COL28A1: variants seen among roughly 807,000 people sequenced by gnomAD.
The protein encoded by COL28A1 is collagen type XXVIII alpha 1 chain, also known as collagen alpha-1(XXVIII) chain.
In COL28A1, 161 loss-of-function variants were observed where a neutral mutation model predicts 150.2. That is an observed-to-expected ratio of 1.07 (90% CI 0.94 to 1.22). The LOEUF (loss-of-function observed/expected upper bound fraction) is 1.22. Among genes scored for constraint, COL28A1 ranks in the 50% most tolerant of loss-of-function variants. The pLI, the probability that COL28A1 is intolerant of heterozygous loss-of-function variation, is 0.00. For synonymous variants in COL28A1, 552 were observed against 469.7 expected, an observed-to-expected ratio of 1.18 and a Z score of -2.26; for missense variants, 1,617 against 1,388.3, an observed-to-expected ratio of 1.16 and a Z score of -2.62.
chr7:7,351,707 A>T (rs919226288), downstream of COL28A1, among the ~76,000 whole-genome samples: 1 of 152,118 alleles, frequency 6.6e-6, no homozygotes, highest in Admixed American at 6.6e-5. Flanking sequence ...ATAGACATTA[A>T]ATCAGTCCAA....
At chr7:7,382,320 A>C (rs1274093612) in intron 27 of COL28A1, among the ~76,000 whole-genome samples, 1 of 152,102 alleles carries the variant, frequency 6.6e-6, no homozygotes, top group Non-Finnish European at 1.5e-5. Context: ...CAAAAAAAAA[A>C]ACAGAAAAAA....
intron 3 of COL28A1, among the ~76,000 whole-genome samples, chr7:7,527,609 G>A (rs917563331): frequency 1.3e-5 from 2 of 152,164 alleles, no homozygotes; most frequent in East Asian, 1.9e-4. Flanking sequence ...AAAGCCTGAC[G>A]GGAGGCCATG....
intron 5 of COL28A1, among the ~76,000 whole-genome samples, chr7:7,520,379 C>T (rs945655428): frequency 2.4e-4 from 36 of 152,224 alleles, no homozygotes; most frequent in African/African-American, 8.7e-4. Flanking sequence ...AATCACTTCT[C>T]AGCAGTTTTG....
intron 27 of COL28A1, among the ~76,000 whole-genome samples, chr7:7,415,574 C>T (rs993975594): frequency 2.0e-5 from 3 of 152,304 alleles, no homozygotes; most frequent in South Asian, 4.1e-4. Flanking sequence ...AACTCTGTTG[C>T]CCAGGCAGGA....
intron 3 of COL28A1, among the ~76,000 whole-genome samples, chr7:7,526,032 G>C (rs187106413): frequency 6.6e-6 from 1 of 152,324 alleles, no homozygotes; most frequent in East Asian, 1.9e-4. Context: ...TTAAGAGCTA[G>C]GAGGTCCTAT....
chr7:7,419,997 CTT>C (rs754665818), intron 25 of COL28A1, 44 bp from the exon 26 acceptor site: 9 of 1,365,268 alleles, frequency 6.6e-6, no homozygotes, highest in Middle Eastern at 1.9e-4. Flanking sequence ...TTTTTAAAGA[CTT>C]TATGTTTTTT....
Position 7,373,997 on chromosome 7 carries a change from C to A in COL28A1, c.2360-451G>T, listed in dbSNP as rs544366300. Among the ~76,000 whole-genome samples the A allele has an allele frequency of 1.4e-5, 2 of 141,500 alleles. No individual in the cohort carries two copies. The highest frequency in any genetic ancestry group is 3.0e-5 in the Non-Finnish European group (2 of 66,640). The allele number at this position is 141,500 out of a possible 152,430, so 92.8% of individuals were successfully genotyped here. On this transcript the variant is annotated intron_variant, in intron 31 of 34. Transcript: ENST00000399429. This position sits in a 1 kb window ranked among gnomAD's most constrained non-coding sequence, Gnocchi z 4.1. ...TACAGGCGTGAGCCACCGCGCCCGG[C>A]CCCTTCTGGTTTCTATACTTGACTC...
chr7:7,515,650 C>T (rs1435896194), intron 8 of COL28A1, among the ~76,000 whole-genome samples, 164 bp downstream of exon 8: 1 of 152,214 alleles, frequency 6.6e-6, no homozygotes, highest in East Asian at 1.9e-4. Context: ...TTACAACACA[C>T]ATCCATATGT....
chr7:7,440,185 A>G (rs961606220), intron 21 of COL28A1, among the ~76,000 whole-genome samples: 5 of 152,224 alleles, frequency 3.3e-5, no homozygotes, highest in Non-Finnish European at 7.3e-5. Flanking sequence ...TTACCAGGAC[A>G]TAGATCCCCT....
intron 27 of COL28A1, among the ~76,000 whole-genome samples, chr7:7,417,081 G>A (rs930248076): frequency 3.3e-5 from 5 of 151,922 alleles, no homozygotes; most frequent in African/African-American, 9.7e-5. Flanking sequence ...AGAGTGAACC[G>A]ATAAGAACAA....
At chr7:7,391,621 T>C (rs1336907053) in intron 27 of COL28A1, among the ~76,000 whole-genome samples, 1 of 152,152 alleles carries the variant, frequency 6.6e-6, no homozygotes, top group African/African-American at 2.4e-5. Context: ...TAAGTCTCTT[T>C]GTAGGTCTCT....
rs191122758 is a variant in COL28A1, at chr7:7,365,341, G to A, written c.3067-4813C>T. Among the ~76,000 whole-genome samples the A allele has an allele frequency of 4.5e-4, 62 of 138,684 alleles. 1 individual carries two copies. The highest frequency in any genetic ancestry group is 4.0e-3 in the Admixed American group (55 of 13,596). 91.0% of individuals were successfully genotyped at this position (138,684 alleles called of 152,430 possible). On this transcript the variant is annotated intron_variant, in intron 33 of 34. Transcript: ENST00000399429. ...CACACTGGCCTGCCTTGGAAAAGAA[G>A]GCTAGCTCCAGCTCTAAGCAGGGAC... is the stretch of plus-strand genomic sequence containing the variant.
At chr7:7,519,832 G>A (rs1781614989) in intron 6 of COL28A1, among the ~76,000 whole-genome samples, 1 of 152,016 alleles carries the variant, frequency 6.6e-6, no homozygotes, top group Non-Finnish European at 1.5e-5. Context: ...ATGTCCCTAG[G>A]TTTCCTAAAC....
chr7:7,413,578 C>T (rs1783904867), intron 27 of COL28A1, among the ~76,000 whole-genome samples: 1 of 152,146 alleles, frequency 6.6e-6, no homozygotes, highest in Admixed American at 6.5e-5. Context: ...CAGGTATACC[C>T]CTTCTACATA....
In COL28A1 at chr7:7,408,634, T is replaced by G. The variant is rs17516739; in HGVS notation, c.2136+9225A>C. The stretch of plus-strand genomic sequence containing the variant: ...AGCCCCACCCAAGTGCAGCTACACA[T>G]GCCAGCCCAGATCCTGCTGTTGTTT... On this transcript the variant is annotated intron_variant, in intron 27 of 34. Coordinates refer to ENST00000399429, the MANE Select transcript of COL28A1 (RefSeq NM_001037763.3). Among the ~76,000 whole-genome samples the G allele has an allele frequency of 4.0e-3, 602 of 152,272 alleles. 3 individuals carry two copies. Among genetic ancestry groups the G allele is most frequent in the Non-Finnish European group, 6.2e-3 (424 of 67,994 alleles).
At chr7:7,363,704 A>T (rs1447303206) in intron 33 of COL28A1, among the ~76,000 whole-genome samples, 3 of 152,164 alleles carry the variant, frequency 2.0e-5, no homozygotes, top group Admixed American at 1.3e-4. Flanking sequence ...TTACAAAAAA[A>T]TACTGTATGT....
intron 15 of COL28A1, among the ~76,000 whole-genome samples, chr7:7,463,057 T>A (rs1787766862): frequency 6.6e-6 from 1 of 151,772 alleles, no homozygotes; most frequent in African/African-American, 2.4e-5. Flanking sequence ...AACCTAAGAA[T>A]AATTGGTGTT....
intron 15 of COL28A1, among the ~76,000 whole-genome samples, chr7:7,461,435 G>C (rs1047005899): frequency 6.6e-6 from 1 of 152,194 alleles, no homozygotes; most frequent in African/African-American, 2.4e-5. Context: ...TCCACAGACA[G>C]GGGAAGAAGG....
intron 3 of COL28A1, among the ~76,000 whole-genome samples, chr7:7,526,376 AC>A (rs1459995732): frequency 1.3e-4 from 20 of 152,374 alleles, no homozygotes; most frequent in African/African-American, 4.6e-4. Context: ...TTCCAAAAAA[AC>A]ATTGAGTGCA....
Sources: gnomAD v4.1 joint callset for allele counts (sites outside exome capture counted in the v4.1 genomes callset) on GRCh38, gnomAD v4.1.1 for gene constraint, Gnocchi (gnomAD v3.1) non-coding constraint, MANE v1.5 for transcripts, NCBI Gene and HGNC (gene_info 2026-07-23, HGNC 2026-07-21) for gene names.